Variants in SPON1 observed in about 807,000 individuals in gnomAD.
SPON1 encodes the protein spondin-1.
A neutral mutation model predicts 111.7 loss-of-function variants in SPON1; 52 were observed. The observed-to-expected ratio is 0.47, with a 90% CI of 0.37 to 0.59. The LOEUF is 0.59. Among genes scored for constraint, SPON1 ranks in the 20% least tolerant of loss-of-function variants. SPON1 has a pLI of 0.00. For missense variants in SPON1, 957 were observed against 1,068.5 expected, an observed-to-expected ratio of 0.90 and a Z score of 1.46; for synonymous variants, 410 against 395.8, an observed-to-expected ratio of 1.04 and a Z score of -0.43.
At chr11:14,036,947 A>T (rs1057207492) in intron 2 of SPON1, among the ~76,000 whole-genome samples, 1 of 152,132 alleles carries the variant, frequency 6.6e-6, no homozygotes, top group African/African-American at 2.4e-5. Flanking sequence ...TGGTAGTGCA[A>T]TGTGGCCTGA....
In SPON1 at chr11:14,182,204, A is replaced by T. The variant is rs148074125; in HGVS notation, c.825+46636A>T. 3.1e-3 allele frequency among the ~76,000 whole-genome samples: 470 copies of T among 152,244 alleles called. 2 individuals carry two copies. Among genetic ancestry groups the T allele is most frequent in the African/African-American group, 0.01 (429 of 41,554 alleles). On this transcript the variant is annotated intron_variant, in intron 6 of 15. Coordinates refer to ENST00000576479, the MANE Select transcript of SPON1 (RefSeq NM_006108.4). ...TGTCCCTGAGACTACTTGTTTCCATACACTATTGTTCCTGATATTCATTCA... is the reference window on the plus strand; with the variant it reads ...TGTCCCTGAGACTACTTGTTTCCATTCACTATTGTTCCTGATATTCATTCA...
intron 5 of SPON1, among the ~76,000 whole-genome samples, chr11:14,128,131 C>A (rs1345248766): frequency 1.3e-5 from 2 of 152,184 alleles, no homozygotes; most frequent in Admixed American, 6.5e-5. Context: ...GTCTTTCTCA[C>A]ATTTCAAAAC....
At chr11:13,974,990 T>C (rs1263879745) in intron 1 of SPON1, among the ~76,000 whole-genome samples, 1 of 152,220 alleles carries the variant, frequency 6.6e-6, no homozygotes, top group Admixed American at 6.5e-5. Flanking sequence ...GATTCCCTTG[T>C]CCACTGGATA....
chr11:14,185,705 A>G (rs886973767), intron 6 of SPON1, among the ~76,000 whole-genome samples: 1 of 152,172 alleles, frequency 6.6e-6, no homozygotes, highest in African/African-American at 2.4e-5. Flanking sequence ...AGTTGAATGG[A>G]TTTTTCTTGG....
chr11:14,229,942 C>G (rs1201226471), intron 6 of SPON1, among the ~76,000 whole-genome samples: 3 of 133,996 alleles, frequency 2.2e-5, no homozygotes, highest in Non-Finnish European at 4.7e-5. Flanking sequence ...GTCTGTCTGT[C>G]TGTGTGTCCG....
chr11:14,031,341 T>C (rs1034539131), intron 2 of SPON1, among the ~76,000 whole-genome samples: 1 of 152,200 alleles, frequency 6.6e-6, no homozygotes, highest in Non-Finnish European at 1.5e-5. Context: ...AAAAGGATGC[T>C]ATAACTTTTG....
intron 1 of SPON1, among the ~76,000 whole-genome samples, chr11:13,973,420 C>A (rs576826582): frequency 6.6e-6 from 1 of 152,342 alleles, no homozygotes; most frequent in African/African-American, 2.4e-5. Context: ...TTGGCTGACA[C>A]ATCTCTACCT....
intron 6 of SPON1, among the ~76,000 whole-genome samples, chr11:14,168,292 T>C (rs1348798394): frequency 6.6e-6 from 1 of 152,200 alleles, no homozygotes; most frequent in African/African-American, 2.4e-5. Context: ...AGACATTTTA[T>C]TTTACCAATA....
At chr11:14,201,916 A>C (rs1848468466) in intron 6 of SPON1, among the ~76,000 whole-genome samples, 1 of 151,918 alleles carries the variant, frequency 6.6e-6, no homozygotes. Context: ...TGGAGAAGTC[A>C]TTTTTTTTCC....
chr11:14,125,395 T>C (rs1195351089), intron 5 of SPON1, among the ~76,000 whole-genome samples: 2 of 152,152 alleles, frequency 1.3e-5, no homozygotes, highest in Non-Finnish European at 2.9e-5. Context: ...AAGTGACCAG[T>C]TCATCTACTA....
At chr11:13,972,712 T>G (rs1247109602) in intron 1 of SPON1, among the ~76,000 whole-genome samples, 1 of 152,216 alleles carries the variant, frequency 6.6e-6, no homozygotes, top group African/African-American at 2.4e-5. Flanking sequence ...CTCAGTTTAG[T>G]TCTGAATACT....
chr11:14,020,978 A>T (rs964121802), intron 2 of SPON1, among the ~76,000 whole-genome samples: 4 of 152,200 alleles, frequency 2.6e-5, no homozygotes, highest in Admixed American at 1.3e-4. Flanking sequence ...GCAGTAATTT[A>T]AAAAGATTTG....
chr11:14,191,316 A>G (rs1554934541), intron 6 of SPON1, among the ~76,000 whole-genome samples: 1 of 152,184 alleles, frequency 6.6e-6, no homozygotes, highest in African/African-American at 2.4e-5. Context: ...TTATATACAA[A>G]GGATGATGCC....
At chr11:14,042,481 A>G (rs1223082001) in intron 3 of SPON1, among the ~76,000 whole-genome samples, 1 of 152,148 alleles carries the variant, frequency 6.6e-6, no homozygotes, top group Non-Finnish European at 1.5e-5. Flanking sequence ...CATAGGCATA[A>G]TCTATTTTAA....
intron 2 of SPON1, among the ~76,000 whole-genome samples, chr11:14,017,724 A>G (rs1005444739): frequency 6.6e-6 from 1 of 152,186 alleles, no homozygotes; most frequent in South Asian, 2.1e-4. Flanking sequence ...TATTTGCAAA[A>G]TTGGACGCTT....
At chr11:14,065,417 G>A (rs1468097663) in intron 3 of SPON1, among the ~76,000 whole-genome samples, 2 of 152,156 alleles carry the variant, frequency 1.3e-5, no homozygotes, top group Non-Finnish European at 2.9e-5. Context: ...AGGCTGGGGC[G>A]ATTATATGAT....
chr11:13,988,271 C>A (rs1554910670), intron 2 of SPON1, among the ~76,000 whole-genome samples: 1 of 152,168 alleles, frequency 6.6e-6, no homozygotes, highest in Admixed American at 6.5e-5. Flanking sequence ...TCCTTCACAT[C>A]CCTTTTAAGT....
chr11:14,050,081 C>G (rs958625236), intron 3 of SPON1, among the ~76,000 whole-genome samples: 4 of 152,154 alleles, frequency 2.6e-5, no homozygotes, highest in Non-Finnish European at 4.4e-5. Context: ...AAAGAAGCAA[C>G]TCATTTCTTG....
intron 7 of SPON1, among the ~76,000 whole-genome samples, chr11:14,253,012 C>T (rs567744056): frequency 1.3e-5 from 2 of 152,304 alleles, no homozygotes; most frequent in Admixed American, 6.5e-5. Context: ...GATGCAAGTA[C>T]AAGTGGAACC....
Sources: gnomAD v4.1 joint callset for allele counts (sites outside exome capture counted in the v4.1 genomes callset) on GRCh38, gnomAD v4.1.1 for gene constraint, MANE v1.5 for transcripts, NCBI Gene and HGNC (gene_info 2026-07-23, HGNC 2026-07-21) for gene names.